DNAAF4: variants seen among roughly 807,000 people sequenced by gnomAD.
The protein encoded by DNAAF4 is dynein axonemal assembly factor 4.
A neutral mutation model predicts 51.8 loss-of-function variants in DNAAF4; 43 were observed. The ratio of observed to expected loss-of-function variants is 0.83; its 90% CI spans 0.65 to 1.07. DNAAF4 has a LOEUF of 1.07. DNAAF4 is among the 50% of genes least tolerant of loss of function. The probability of loss-of-function intolerance (pLI) is 0.00; values close to 1 mark genes in which losing one functional copy is unlikely to be tolerated. For missense variants in DNAAF4, 581 were observed against 493.0 expected, an observed-to-expected ratio of 1.18 and a Z score of -1.69; for synonymous variants, 194 against 165.6, an observed-to-expected ratio of 1.17 and a Z score of -1.32.
intron 4 of DNAAF4, among the ~76,000 whole-genome samples, chr15:55,477,239 T>G (rs2058347925): frequency 1.3e-5 from 2 of 152,142 alleles, no homozygotes; most frequent in African/African-American, 4.8e-5. Context: ...ATATACTTAA[T>G]GCCATGGAAC....
At chr15:55,504,906 C>T (rs2058718466) in intron 1 of DNAAF4, among the ~76,000 whole-genome samples, 1 of 152,056 alleles carries the variant, frequency 6.6e-6, no homozygotes, top group African/African-American at 2.4e-5. Flanking sequence ...GCAACAAAAG[C>T]CAAAATTGAC....
At chr15:55,484,215 G>A (rs774467756) in intron 4 of DNAAF4, among the ~76,000 whole-genome samples, 15 of 152,058 alleles carry the variant, frequency 9.9e-5, no homozygotes, top group Non-Finnish European at 2.1e-4. Context: ...CGGGCGCGGT[G>A]GCTCATGCCT....
intron 1 of DNAAF4, among the ~76,000 whole-genome samples, chr15:55,506,824 T>C (rs2058729685): frequency 6.6e-6 from 1 of 152,132 alleles, no homozygotes; most frequent in Admixed American, 6.6e-5. Flanking sequence ...GAAATAATGC[T>C]ATTTTATACA....
At chr15:55,469,328 T>C (rs2058215643) in intron 4 of DNAAF4, among the ~76,000 whole-genome samples, 1 of 144,448 alleles carries the variant, frequency 6.9e-6, no homozygotes, top group Non-Finnish European at 1.5e-5. Flanking sequence ...GAGGCTCCTC[T>C]CAAAAAAAAA....
At chr15:55,471,216 G>A (rs182748233) in intron 4 of DNAAF4, among the ~76,000 whole-genome samples, 44 of 152,236 alleles carry the variant, frequency 2.9e-4, no homozygotes, top group African/African-American at 1.0e-3. Flanking sequence ...GAGGGGTGCT[G>A]CAAGTTCCAG....
At chr15:55,433,745 GT>G (rs552546234) in intron 8 of DNAAF4, among the ~76,000 whole-genome samples, 4 of 117,732 alleles carry the variant, frequency 3.4e-5, no homozygotes, top group Admixed American at 1.2e-4. Context: ...ATAATTATTT[GT>G]TTTTTATATA....
At chr15:55,449,343 G>C (rs1302098791) in intron 6 of DNAAF4, among the ~76,000 whole-genome samples, 1 of 151,692 alleles carries the variant, frequency 6.6e-6, no homozygotes, top group East Asian at 2.0e-4. Context: ...AATCAAAGAT[G>C]CATCAATTCA....
intron 2 of DNAAF4, 84 bp downstream of exon 2, chr15:55,498,123 G>A (rs2058664801): frequency 6.3e-7 from 1 of 1,599,640 alleles, no homozygotes; most frequent in Admixed American, 1.8e-5. Flanking sequence ...GCAAAGATGA[G>A]CCTGTTGCTC....
Position 55,497,845 on chromosome 15 carries a change from T to A in DNAAF4, c.138A>T (p.Pro46=). ...TENYLKVNFP[P]FLFEAFLYAP... ...CATAAAGAAATGCCTCAAATAAAAA[T>A]GGAGGAAAGTTGACCTATGCAGAAG... The change falls in exon 3 of 10, where the codon CCA becomes CCT. Residue 46 remains proline, a synonymous_variant. Transcript: ENST00000321149. The A allele has an allele frequency of 6.2e-7, 1 of 1,609,958 alleles. No homozygotes were observed. The highest frequency in any genetic ancestry group is 8.5e-7 in the Non-Finnish European group (1 of 1,178,610).
At chr15:55,464,458 T>C (rs946475900) in intron 5 of DNAAF4, among the ~76,000 whole-genome samples, 1 of 152,100 alleles carries the variant, frequency 6.6e-6, no homozygotes, top group Non-Finnish European at 1.5e-5. Context: ...TAGATGGGAC[T>C]TAATTAAACT....
chr15:55,502,379 G>T (rs2058704117), intron 1 of DNAAF4, among the ~76,000 whole-genome samples: 1 of 152,096 alleles, frequency 6.6e-6, no homozygotes, highest in South Asian at 2.1e-4. Flanking sequence ...ATTTTAAGCT[G>T]AAGGAATTGC....
chr15:55,442,345 C>A (rs974450581), intron 6 of DNAAF4, among the ~76,000 whole-genome samples: 39 of 152,282 alleles, frequency 2.6e-4, no homozygotes, highest in African/African-American at 8.7e-4. Flanking sequence ...TCTTGAACTC[C>A]TGAGCTCAGG....
chr15:55,450,115 G>T, intron 6 of DNAAF4, 107 bp downstream of exon 6: 1 of 1,200,358 alleles, frequency 8.3e-7, no homozygotes, highest in Non-Finnish European at 1.1e-6. Context: ...TATTTCTTTA[G>T]TGTAATAAAT....
intron 3 of DNAAF4, among the ~76,000 whole-genome samples, chr15:55,492,702 C>T (rs566300517): frequency 6.7e-4 from 101 of 151,772 alleles, no homozygotes; most frequent in Non-Finnish European, 1.1e-3. Flanking sequence ...ACCACGCCCA[C>T]CTAATTTTTA....
At position 55,439,543 on chromosome 15, in the gene DNAAF4, A is replaced by G. The variant is rs2141422944; in HGVS notation, c.822T>C (p.Asn274=). The change falls in exon 7 of 10, where the codon AAT becomes AAC. Residue 274 remains asparagine, a synonymous_variant. Transcript: ENST00000321149. ...AATCGCAAAGTTCAGCTATGTCAGT[A>G]TTCATTGCTCTTCGTGCCTCAGCTT... is the stretch of plus-strand genomic sequence containing the variant. ...HKQAEARRAM[N]TDIAELCDLK... 1 of 1,614,100 alleles carries G rather than the reference A, an allele frequency of 6.2e-7. No homozygotes were observed. Among genetic ancestry groups the G allele is most frequent in the South Asian group, 1.1e-5 (1 of 91,086 alleles).
intron 8 of DNAAF4, among the ~76,000 whole-genome samples, chr15:55,433,588 T>C (rs1008307466): frequency 3.2e-4 from 44 of 136,152 alleles, no homozygotes; most frequent in African/African-American, 1.2e-3. Flanking sequence ...ATTGTGCCCC[T>C]GTACTCCAGC....
intron 4 of DNAAF4, among the ~76,000 whole-genome samples, chr15:55,476,992 G>A (rs2141543011): frequency 6.6e-6 from 1 of 152,216 alleles, no homozygotes; most frequent in South Asian, 2.1e-4. Context: ...CCAACATGGT[G>A]AAACCCCGTC....
chr15:55,451,258 T>C (rs1011827568), intron 5 of DNAAF4, among the ~76,000 whole-genome samples: 3 of 152,250 alleles, frequency 2.0e-5, no homozygotes, highest in Non-Finnish European at 4.4e-5. Context: ...ACACAGTCGT[T>C]GAGCACTGTT....
intron 4 of DNAAF4, among the ~76,000 whole-genome samples, chr15:55,485,240 C>G (rs2058470751): frequency 6.6e-6 from 1 of 152,004 alleles, no homozygotes; most frequent in South Asian, 2.1e-4. Flanking sequence ...CTGAGAAAGT[C>G]TGACATACAC....
Sources: gnomAD v4.1 joint callset for allele counts (sites outside exome capture counted in the v4.1 genomes callset) on GRCh38, gnomAD v4.1.1 for gene constraint, MANE v1.5 for transcripts, NCBI Gene and HGNC (gene_info 2026-07-23, HGNC 2026-07-21) for gene names.